The following NLGN4X variants were observed in gnomAD, a reference collection of about 807,000 sequenced individuals.
NLGN4X encodes the protein neuroligin-4, X-linked.
Under a neutral mutation model 40.3 loss-of-function variants are expected in NLGN4X, and 3 were observed. That is an observed-to-expected ratio of 0.07 (90% CI 0.03 to 0.19). The LOEUF is 0.19. Ranked by LOEUF, NLGN4X falls within the 10% of genes least tolerant of loss-of-function variation. The pLI is 1.00. For missense variants in NLGN4X, 382 were observed against 708.3 expected (o/e 0.54, Z 5.23); for synonymous variants, 270 against 306.8 (o/e 0.88, Z 1.25).
chrX:5,996,640 C>T (rs1435181323), intron 3 of NLGN4X, among the ~76,000 whole-genome samples: 1 of 108,057 alleles, frequency 9.3e-6, no homozygotes, highest in Non-Finnish European at 1.9e-5. Context: ...GCTCTGTCAC[C>T]CAGGCTGGAG....
intron 3 of NLGN4X, among the ~76,000 whole-genome samples, chrX:5,921,720 G>A (rs1331925384): frequency 8.9e-6 from 1 of 111,961 alleles, no homozygotes; most frequent in Admixed American, 9.5e-5. Flanking sequence ...CAATTCAGCA[G>A]TAGGCATGAA....
At chrX:6,133,903 T>C (rs2039748229) in intron 2 of NLGN4X, among the ~76,000 whole-genome samples, 1 of 111,895 alleles carries the variant, frequency 8.9e-6, no homozygotes, top group African/African-American at 3.2e-5. Flanking sequence ...GCAGGCCATA[T>C]GGTCTCTTTT....
At chrX:6,051,533 G>T (rs138234092) in intron 2 of NLGN4X, among the ~76,000 whole-genome samples, 1 of 110,747 alleles carries the variant, frequency 9.0e-6, no homozygotes, top group Non-Finnish European at 1.9e-5. Context: ...TTGAAGTGAC[G>T]CTTCCAAGAA....
chrX:5,891,295 C>T lies in NLGN4X; in HGVS notation c.*1522G>A. On this transcript the variant is annotated 3_prime_UTR_variant, in exon 6 of 6. Coordinates refer to ENST00000381095, the MANE Select transcript of NLGN4X (RefSeq NM_181332.3). ...ACCCATGCAAAGCAGTTTTAATATT[C>T]TATCCTTTCTTCCCCCATTCTTCTA... 4.3e-6 allele frequency: 1 copy of T among 234,829 alleles called. No individual in the cohort carries two copies. The highest frequency in any genetic ancestry group is 7.7e-6 in the Non-Finnish European group (1 of 129,915). 19.4% of individuals were successfully genotyped at this position (234,829 alleles called of 1,213,427 possible). A position where few individuals can be genotyped will look rare whatever the true frequency, so the allele number is the denominator to read the frequency against.
rs749204400 is a variant in NLGN4X, at chrX:6,069,236, C to T, written c.473-39804G>A. ...CTCGGGGGTGGAGCTTGCAGTGAGC[C>T]GAGATCGCGCCACTGCACTCTAGCC... is the stretch of plus-strand genomic sequence containing the variant. On this transcript the variant is annotated intron_variant, in intron 2 of 5. Transcript: ENST00000381095. Among the ~76,000 whole-genome samples the T allele has an allele frequency of 2.3e-4, 25 of 107,951 alleles. 1 individual carries two copies. In the South Asian group the frequency reaches 5.7e-3, roughly 25 times the overall value. 93.7% of individuals were successfully genotyped at this position (107,951 alleles called of 115,157 possible).
At chrX:5,997,871 T>C (rs1937199148) in intron 3 of NLGN4X, among the ~76,000 whole-genome samples, 1 of 110,704 alleles carries the variant, frequency 9.0e-6, no homozygotes, top group African/African-American at 3.3e-5. Flanking sequence ...CATTGTGTGA[T>C]GTGCCAATGT....
chrX:6,153,082 A>G (rs1242085077), intron 1 of NLGN4X, among the ~76,000 whole-genome samples: 6 of 112,970 alleles, frequency 5.3e-5, no homozygotes, highest in African/African-American at 1.9e-4. Flanking sequence ...TGCCTTTAGC[A>G]TGTTCTTCAA....
chrX:6,095,333 A>G (rs1488367513), intron 2 of NLGN4X, among the ~76,000 whole-genome samples: 2 of 111,659 alleles, frequency 1.8e-5, no homozygotes, highest in African/African-American at 6.5e-5. Context: ...TAGTTGCAAA[A>G]CAACAATGCC....
At chrX:6,099,657 T>G (rs920725303) in intron 2 of NLGN4X, among the ~76,000 whole-genome samples, 4 of 112,511 alleles carry the variant, frequency 3.6e-5, no homozygotes, top group African/African-American at 6.5e-5. Context: ...TTTGTGAAGC[T>G]GAACTGAACT....
intron 1 of NLGN4X, chrX:6,226,744 C>G (rs769455204): frequency 3.3e-5 from 4 of 119,610 alleles, no homozygotes; most frequent in African/African-American, 1.3e-4. Flanking sequence ...AGCGACCGGC[C>G]TCTTGGAAAA....
intron 5 of NLGN4X, among the ~76,000 whole-genome samples, chrX:5,895,656 T>C (rs2031448931): frequency 9.0e-6 from 1 of 111,116 alleles, no homozygotes; most frequent in African/African-American, 3.3e-5. Context: ...ATGTATAACA[T>C]AATACAGGAG....
At chrX:6,205,260 T>C (rs1294173863) in intron 1 of NLGN4X, among the ~76,000 whole-genome samples, 1 of 111,864 alleles carries the variant, frequency 8.9e-6, no homozygotes, top group Non-Finnish European at 1.9e-5. Context: ...TCAGAAGCAT[T>C]TATGCTATTG....
intron 2 of NLGN4X, among the ~76,000 whole-genome samples, chrX:6,139,831 G>A (rs917991261): frequency 2.7e-5 from 3 of 111,512 alleles, no homozygotes; most frequent in Non-Finnish European, 5.6e-5. Flanking sequence ...TATGCTGATT[G>A]CAAATAATGA....
chrX:6,128,057 C>T (rs1468977115), intron 2 of NLGN4X, among the ~76,000 whole-genome samples: 1 of 111,122 alleles, frequency 9.0e-6, no homozygotes, highest in East Asian at 2.9e-4. Context: ...CTGTCTCAGC[C>T]TCTTGGGTAG....
chrX:6,026,662 A>T (rs1361672731), intron 3 of NLGN4X, among the ~76,000 whole-genome samples: 1 of 111,649 alleles, frequency 9.0e-6, no homozygotes, highest in Admixed American at 9.5e-5. Context: ...GGGGGTCTGT[A>T]GTGTGCTTGG....
chrX:6,133,043 C>G (rs2039716031), intron 2 of NLGN4X, among the ~76,000 whole-genome samples: 1 of 111,609 alleles, frequency 9.0e-6, no homozygotes, highest in Non-Finnish European at 1.9e-5. Flanking sequence ...ACCATCACCA[C>G]AATCATTATT....
At chrX:6,179,294 C>A (rs1411142167) in intron 1 of NLGN4X, among the ~76,000 whole-genome samples, 1 of 110,997 alleles carries the variant, frequency 9.0e-6, no homozygotes. Flanking sequence ...TTTTGAAACA[C>A]CATCATGAGG....
intron 2 of NLGN4X, among the ~76,000 whole-genome samples, chrX:6,081,285 C>T (rs1410355375): frequency 9.0e-6 from 1 of 111,349 alleles, no homozygotes; most frequent in African/African-American, 3.3e-5. Context: ...GAGACCCTTT[C>T]TCAAAAAAAA....
intron 2 of NLGN4X, among the ~76,000 whole-genome samples, chrX:6,051,671 G>A (rs745930630): frequency 1.6e-4 from 18 of 110,909 alleles, no homozygotes; most frequent in Non-Finnish European, 2.6e-4. Context: ...CTCCAGAACC[G>A]GGAGAGAATA....
Sources: allele counts gnomAD v4.1 joint callset (sites outside exome capture counted in the v4.1 genomes callset), GRCh38; gene constraint gnomAD v4.1.1; transcripts MANE v1.5; gene names NCBI Gene and HGNC (gene_info 2026-07-23, HGNC 2026-07-21).